Variants in TCF4 observed in about 807,000 individuals in gnomAD.
The protein encoded by TCF4 is SL3-3 enhancer factor 2.
Under a neutral mutation model 82.1 loss-of-function variants are expected in TCF4, and 3 were observed. The observed-to-expected ratio is 0.04, with a 90% CI of 0.02 to 0.09. The LOEUF is 0.09. TCF4 is among the 10% of genes least tolerant of loss of function. TCF4 has a pLI of 1.00. For synonymous variants in TCF4, 276 were observed against 309.6 expected (o/e 0.89, Z 1.14); for missense variants, 518 against 852.7 (o/e 0.61, Z 4.89).
chr18:55,586,156 C>CAGCAGCAGG, intron 2 of TCF4: 3 of 80,868 alleles, frequency 3.7e-5, no homozygotes, highest in Middle Eastern at 2.9e-3. Flanking sequence ...GGAGGAGGAG[C>CAGCAGCAGG]AGCAGCAGCA....
chr18:55,467,395 A>G, intron 3 of TCF4, among the ~76,000 whole-genome samples: 1 of 152,106 alleles, frequency 6.6e-6, no homozygotes, highest in African/African-American at 2.4e-5. Context: ...GCCCATTTTT[A>G]AATTGGCTTA....
chr18:55,258,645 G>A (rs2145637568), intron 13 of TCF4, among the ~76,000 whole-genome samples: 1 of 152,238 alleles, frequency 6.6e-6, no homozygotes, highest in Admixed American at 6.5e-5. Context: ...TGATACCATA[G>A]AACATTTCTT....
chr18:55,609,264 T>G (rs2097704956), intron 2 of TCF4, among the ~76,000 whole-genome samples: 1 of 152,176 alleles, frequency 6.6e-6, no homozygotes, highest in Non-Finnish European at 1.5e-5. Flanking sequence ...GAACTAAATA[T>G]GCCAGTGGTC....
At chr18:55,486,535 T>G (rs577474186) in intron 3 of TCF4, among the ~76,000 whole-genome samples, 2 of 152,276 alleles carry the variant, frequency 1.3e-5, no homozygotes, top group African/African-American at 4.8e-5. Context: ...AAGGTTGCAA[T>G]GAGCCAACAT....
upstream of TCF4, among the ~76,000 whole-genome samples, chr18:55,592,862 G>A (rs2097687080): frequency 2.0e-5 from 3 of 152,104 alleles, no homozygotes; most frequent in Non-Finnish European, 4.4e-5. Context: ...ACGGTCTTGG[G>A]AGTTCCAAGA....
intron 8 of TCF4, chr18:55,321,664 G>A (rs768947316): frequency 2.0e-6 from 3 of 1,536,076 alleles, no homozygotes; most frequent in South Asian, 2.4e-5. Context: ...GCCCGCATTC[G>A]CTTACCGCTT....
chr18:55,510,442 A>C (rs1603617854), intron 3 of TCF4: 1 of 544,472 alleles, frequency 1.8e-6, no homozygotes, highest in East Asian at 3.5e-5. Context: ...TGAACCATGC[A>C]TTTCAACCTA....
At chr18:55,462,060 T>C (rs2095876688) in intron 4 of TCF4, among the ~76,000 whole-genome samples, 1 of 152,172 alleles carries the variant, frequency 6.6e-6, no homozygotes, top group Non-Finnish European at 1.5e-5. Context: ...CGGTTGCATG[T>C]GAGCCAAAGG....
intron 3 of TCF4, among the ~76,000 whole-genome samples, chr18:55,535,279 A>G (rs539999894): frequency 6.6e-6 from 1 of 152,308 alleles, no homozygotes; most frequent in East Asian, 1.9e-4. Flanking sequence ...TTAGCAGCGG[A>G]CTCAGCCTAT....
At chr18:55,595,194 C>CT in intron 2 of TCF4, among the ~76,000 whole-genome samples, 1 of 152,224 alleles carries the variant, frequency 6.6e-6, no homozygotes, top group East Asian at 1.9e-4. Flanking sequence ...TTCATGGACA[C>CT]TAAGAATGAA....
chr18:55,452,479 A>G (rs2095644675), intron 5 of TCF4: 1 of 152,328 alleles, frequency 6.6e-6, no homozygotes. Context: ...CACTTGTAGC[A>G]GCATGTCCCA....
chr18:55,623,067 G>A (rs745540667), intron 2 of TCF4, among the ~76,000 whole-genome samples: 8 of 152,088 alleles, frequency 5.3e-5, no homozygotes, highest in Non-Finnish European at 1.5e-5. Flanking sequence ...AAATTTAAGT[G>A]ACTTGTCTTA....
chr18:55,342,415 C>A (rs2080188994), intron 8 of TCF4, among the ~76,000 whole-genome samples: 1 of 152,106 alleles, frequency 6.6e-6, no homozygotes, highest in African/African-American at 2.4e-5. Flanking sequence ...CAATTTCACT[C>A]CTGAATCATA....
rs1475022809 is a variant in TCF4, at chr18:55,409,400, G to T, written c.305-5882C>A. ...TTTTCTTTTTTTTTAATGAGATGGG[G>T]TCTCACTATGTTACCCAAGGTGCTC... On this transcript the variant is annotated intron_variant, in intron 5 of 19. Transcript: ENST00000354452. 2.0e-5 allele frequency among the ~76,000 whole-genome samples: 3 copies of T among 151,970 alleles called. No individual in the cohort carries two copies. The East Asian group carries it at 5.8e-4, about 29-fold the overall frequency.
At chr18:55,251,143 G>A (rs1373281472) in intron 15 of TCF4, among the ~76,000 whole-genome samples, 2 of 152,152 alleles carry the variant, frequency 1.3e-5, no homozygotes, top group African/African-American at 4.8e-5. Flanking sequence ...TCAACATAAG[G>A]CTTTCGGTAA....
At chr18:55,446,253 GA>G (rs2095522959) in intron 5 of TCF4, among the ~76,000 whole-genome samples, 1 of 152,172 alleles carries the variant, frequency 6.6e-6, no homozygotes, top group African/African-American at 2.4e-5. Flanking sequence ...AAGGAGGGCA[GA>G]ATGGGAAGAA....
chr18:55,336,762 T>C (rs2078727034), intron 8 of TCF4, among the ~76,000 whole-genome samples: 3 of 152,156 alleles, frequency 2.0e-5, no homozygotes, highest in African/African-American at 7.2e-5. Flanking sequence ...TAGAAAATTC[T>C]GCTATTAAGA....
rs183226528 is a variant in TCF4 at position 55,597,030 on chromosome 18, G to A, written c.287-9894C>T. 5.5e-4 allele frequency among the ~76,000 whole-genome samples: 83 copies of A among 152,176 alleles called. 1 individual carries two copies. Among genetic ancestry groups the A allele is most frequent in the East Asian group, 4.6e-3 (24 of 5,174 alleles). On this transcript the variant is annotated intron_variant, in intron 2 of 20. Coordinates refer to the TCF4 transcript ENST00000398339. ...TCTCATGAGATCTGGCTGTTTAAAC[G>A]TATGTAACCCTTCCCCTTCGCTCTC...
intron 6 of TCF4, among the ~76,000 whole-genome samples, chr18:55,373,051 A>C (rs550818819): frequency 6.6e-6 from 1 of 152,272 alleles, no homozygotes; most frequent in Non-Finnish European, 1.5e-5. Flanking sequence ...GGAAAAAAAG[A>C]AAATTAAACT....
Sources: gnomAD v4.1 joint callset for allele counts (sites outside exome capture counted in the v4.1 genomes callset) on GRCh38, gnomAD v4.1.1 for gene constraint, MANE v1.5 for transcripts, NCBI Gene and HGNC (gene_info 2026-07-23, HGNC 2026-07-21) for gene names.